The following PSMG2 variants were observed in gnomAD, a reference collection of about 807,000 sequenced individuals.
PSMG2 encodes proteasome assembly chaperone 2, also known as CD40 ligand-activated specific transcript 3.
PSMG2 carries 21 observed loss-of-function variants against 31.5 expected under a neutral mutation model. The ratio of observed to expected loss-of-function variants is 0.67; its 90% CI spans 0.47 to 0.96. The LOEUF is 0.96. Among genes scored for constraint, PSMG2 ranks in the 40% least tolerant of loss-of-function variants. PSMG2 has a pLI of 0.00. For synonymous variants in PSMG2, 120 were observed against 110.4 expected (o/e 1.09, Z -0.54); for missense variants, 318 against 321.2 (o/e 0.99, Z 0.08).
chr18:12,686,474 T>C (rs1314310560), intron 1 of PSMG2: 2 of 1,509,032 alleles, frequency 1.3e-6, no homozygotes, highest in Non-Finnish European at 1.8e-6. Context: ...GAAAAACATC[T>C]GTAATGACAT....
intron 1 of PSMG2, chr18:12,674,390 C>T: frequency 1.6e-6 from 1 of 607,080 alleles, no homozygotes; most frequent in South Asian, 2.3e-5. Flanking sequence ...TACAGTGAGC[C>T]ATAACTGTGC....
At chr18:12,701,695 G>C (rs370763802), upstream of PSMG2, among the ~76,000 whole-genome samples, 1 of 152,104 alleles carries the variant, frequency 6.6e-6, no homozygotes, top group African/African-American at 2.4e-5. Context: ...AGAAACTGGA[G>C]GTTCTTCTGG....
chr18:12,721,141 C>G (rs571674214), intron 5 of PSMG2, among the ~76,000 whole-genome samples: 30 of 152,218 alleles, frequency 2.0e-4, no homozygotes, highest in Non-Finnish European at 2.8e-4. Context: ...GATCGCGCCA[C>G]TGCACTCCAG....
chr18:12,708,614 T>C (rs946412892), intron 2 of PSMG2, among the ~76,000 whole-genome samples: 4 of 152,098 alleles, frequency 2.6e-5, no homozygotes, highest in Non-Finnish European at 4.4e-5. Flanking sequence ...TCTGCCTGTC[T>C]TGGCCTCCTA....
At chr18:12,718,324 A>G (rs2040397654) in intron 3 of PSMG2, among the ~76,000 whole-genome samples, 193 bp from the exon 4 acceptor site, 1 of 152,194 alleles carries the variant, frequency 6.6e-6, no homozygotes, top group African/African-American at 2.4e-5. Context: ...AATTATAAAG[A>G]TACATTAGAT....
intron 1 of PSMG2, among the ~76,000 whole-genome samples, chr18:12,697,939 T>G (rs2040012443): frequency 6.6e-6 from 1 of 152,162 alleles, no homozygotes; most frequent in African/African-American, 2.4e-5. Context: ...GTGAAGACAT[T>G]CTGAAACTTT....
At chr18:12,666,492 T>C (rs1049290313) in intron 1 of PSMG2, among the ~76,000 whole-genome samples, 2 of 144,390 alleles carry the variant, frequency 1.4e-5, no homozygotes, top group African/African-American at 5.2e-5. Flanking sequence ...CAGGCTGGAG[T>C]GCATTGTGCA....
intron 1 of PSMG2, among the ~76,000 whole-genome samples, chr18:12,669,410 C>A (rs1303425523): frequency 6.6e-6 from 1 of 151,962 alleles, no homozygotes; most frequent in Non-Finnish European, 1.5e-5. Context: ...CCGCGCCTGG[C>A]CCCAATTTTT....
chr18:12,669,509 G>T (rs1323470834), intron 1 of PSMG2, among the ~76,000 whole-genome samples: 6 of 152,030 alleles, frequency 3.9e-5, no homozygotes, highest in Non-Finnish European at 8.8e-5. Flanking sequence ...AATGAAAAAT[G>T]AAGTTTCTGG....
chr18:12,694,720 TTC>T, intron 1 of PSMG2, among the ~76,000 whole-genome samples: 1 of 150,110 alleles, frequency 6.7e-6, no homozygotes, highest in East Asian at 1.9e-4. Flanking sequence ...TTTTTTTTTT[TTC>T]TTTTTTTGAG....
chr18:12,674,584 AT>A (rs777382974), intron 1 of PSMG2: 5 of 1,614,132 alleles, frequency 3.1e-6, no homozygotes, highest in Non-Finnish European at 4.2e-6. Context: ...CACAAAATGT[AT>A]TGGGAACCCT....
At chr18:12,682,804 TAGAG>T (rs748807419) in intron 1 of PSMG2, among the ~76,000 whole-genome samples, 85 of 151,624 alleles carry the variant, frequency 5.6e-4, no homozygotes, top group African/African-American at 1.6e-3. Flanking sequence ...GTATTTTTAG[TAGAG>T]AGAGAGTTTC....
chr18:12,671,445 A>C (rs544459335), intron 1 of PSMG2, among the ~76,000 whole-genome samples: 1 of 152,142 alleles, frequency 6.6e-6, no homozygotes, highest in Non-Finnish European at 1.5e-5. Flanking sequence ...CTTTGAAAAA[A>C]TAAAAAACTT....
At chr18:12,707,188 G>T (rs191539628) in intron 2 of PSMG2, among the ~76,000 whole-genome samples, 2 of 152,210 alleles carry the variant, frequency 1.3e-5, no homozygotes, top group African/African-American at 4.8e-5. Context: ...TCAATATTCT[G>T]ACTTCGTGAT....
rs776340224 is a variant in PSMG2 at position 12,678,321 on chromosome 18, G to A, written c.-37+19548G>A. The A allele has an allele frequency of 8.7e-6, 14 of 1,614,110 alleles. No homozygotes were observed. Among genetic ancestry groups the A allele is most frequent in the Non-Finnish European group, 1.2e-5 (14 of 1,180,018 alleles). On this transcript the variant is annotated intron_variant, in intron 1 of 6. Coordinates refer to the PSMG2 transcript ENST00000585331. ...ACACAGGTTTCTACTGCATCAGAGG[G>A]TTGACAATTTCCCAGGAACATCTGA...
In PSMG2 at chr18:12,725,558, C is replaced by A. The variant is rs754939856; in HGVS notation, c.*27C>A. 4.7e-5 allele frequency: 71 copies of A among 1,495,156 alleles called. No individual in the cohort carries two copies. The South Asian group carries it at 7.9e-4, about 17-fold the overall frequency. The allele number at this position is 1,495,156 out of a possible 1,614,324, so 92.6% of individuals were successfully genotyped here. On this transcript the variant is annotated 3_prime_UTR_variant, in exon 7 of 7. Coordinates refer to ENST00000317615, the MANE Select transcript of PSMG2 (RefSeq NM_020232.5). ...CTAATTTCTGTTTTATACCTTATAC[C>A]CAAAACACTTACTACCAACACAGCT...
At chr18:12,659,810 G>A (rs1044865420) in intron 1 of PSMG2, among the ~76,000 whole-genome samples, 1 of 152,144 alleles carries the variant, frequency 6.6e-6, no homozygotes, top group Non-Finnish European at 1.5e-5. Flanking sequence ...TAGCAATGCA[G>A]TATCTATGTG....
Position 12,691,626 on chromosome 18 carries a change from C to T in PSMG2, c.-36-14924C>T, listed in dbSNP as rs1441142485. 5 of 574,350 alleles carry T rather than the reference C, an allele frequency of 8.7e-6. No homozygotes were observed. The South Asian group carries it at 1.0e-4, about 12-fold the overall frequency. 35.6% of individuals were successfully genotyped at this position (574,350 alleles called of 1,614,324 possible). A position where few individuals can be genotyped will look rare whatever the true frequency, so the allele number is the denominator to read the frequency against. On this transcript the variant is annotated intron_variant, in intron 1 of 6. Transcript: ENST00000585331. ...ATCATCTTCTATAAGAGCCTCCTGA[C>T]TTCCCTATTTCTACACTTACCCCTA... is the stretch of plus-strand genomic sequence containing the variant.
chr18:12,683,699 C>G (rs750315422), intron 1 of PSMG2, among the ~76,000 whole-genome samples: 3 of 151,088 alleles, frequency 2.0e-5, no homozygotes, highest in African/African-American at 4.9e-5. Flanking sequence ...TGCAGTGGGC[C>G]GAGATCATGC....
Sources: allele counts gnomAD v4.1 joint callset (sites outside exome capture counted in the v4.1 genomes callset), GRCh38; gene constraint gnomAD v4.1.1; transcripts MANE v1.5; gene names NCBI Gene and HGNC (gene_info 2026-07-23, HGNC 2026-07-21).